The following C22orf39 variants were observed in gnomAD, a reference collection of about 807,000 sequenced individuals.
C22orf39 encodes chromosome 22 open reading frame 39.
A neutral mutation model predicts 18.3 loss-of-function variants in C22orf39; 20 were observed. The observed-to-expected ratio is 1.09, with a 90% CI of 0.77 to 1.59. The LOEUF (loss-of-function observed/expected upper bound fraction) is 1.59, where lower values mean the gene tolerates loss of function less well. C22orf39 is among the 40% of genes most tolerant of loss of function. The probability of loss-of-function intolerance (pLI) is 0.00; values close to 1 mark genes in which losing one functional copy is unlikely to be tolerated. For missense variants in C22orf39, 195 were observed against 156.1 expected (o/e 1.25, Z -1.33); for synonymous variants, 63 against 59.6 (o/e 1.06, Z -0.26).
rs973202736 is a variant in C22orf39 at position 19,447,563 on chromosome 22, G to A, written c.25-18C>T. 21 of 1,408,376 alleles carry A rather than the reference G, an allele frequency of 1.5e-5. No individual in the cohort carries two copies. In the East Asian group the frequency reaches 5.9e-4, roughly 40 times the overall value. The allele number at this position is 1,408,376 out of a possible 1,614,324, so 87.2% of individuals were successfully genotyped here. On this transcript the variant is annotated intron_variant, in intron 1 of 2. Coordinates refer to ENST00000399562, the MANE Select transcript of C22orf39 (RefSeq NM_173793.5). ...CGCGGCGGCTGCGGCGAGAGGCGGC[G>A]CCTGAGCGGGGCCCGGCGGCCGCGC...
At position 19,441,757 on chromosome 22, in the gene C22orf39, C is replaced by T. The variant is rs1163285014; in HGVS notation, c.*2508G>A. 5 of 1,505,240 alleles carry T rather than the reference C, an allele frequency of 3.3e-6. No homozygotes were observed. The Admixed American group carries it at 9.4e-5, about 28-fold the overall frequency. The allele number at this position is 1,505,240 out of a possible 1,614,324, so 93.2% of individuals were successfully genotyped here. A position where few individuals can be genotyped will look rare whatever the true frequency, so the allele number is the denominator to read the frequency against. On this transcript the variant is annotated 3_prime_UTR_variant, in exon 3 of 3. Transcript: ENST00000399562. ...GTATTTGTTTTCTTCATACCACCACCATAAAATACCAAACTGCTTCAGAAA... is the reference window on the plus strand; with the variant it reads ...GTATTTGTTTTCTTCATACCACCACTATAAAATACCAAACTGCTTCAGAAA...
intron 2 of C22orf39, among the ~76,000 whole-genome samples, chr22:19,445,485 C>T (rs2089634686): frequency 6.6e-6 from 1 of 152,192 alleles, no homozygotes; most frequent in Non-Finnish European, 1.5e-5. Context: ...TATCCAATTA[C>T]TTCCCTGGGA....
Position 19,447,471 on chromosome 22 carries a change from G to A in C22orf39, c.99C>T (p.Tyr33=), listed in dbSNP as rs2089648456. 3 of 1,521,272 alleles carry A rather than the reference G, an allele frequency of 2.0e-6. No individual in the cohort carries two copies. Among genetic ancestry groups the A allele is most frequent in the African/African-American group, 2.9e-5 (2 of 69,874 alleles). The allele number at this position is 1,521,272 out of a possible 1,614,324, so 94.2% of individuals were successfully genotyped here. The change falls in exon 2 of 3, where the codon TAC becomes TAT. Residue 33 remains tyrosine (Y), a synonymous_variant. Coordinates refer to ENST00000399562, the MANE Select transcript of C22orf39 (RefSeq NM_173793.5). ...AGGCCGGCCGCTCGCCGTGGACGTA[G>A]TAGTGGTGTAGGAAGTGCCTGGCGC... ...CRSARHFLHH[Y]YVHGERPACE... is the part of the protein sequence containing the mutation.
rs778267166 is a variant in C22orf39 at position 19,443,078 on chromosome 22, AACCCCC to A, written c.*1181_*1186del. Reference sequence around the variant, plus strand: ...CCTGCTCTTGGGATCCCGTGAGCACAACCCCCACCCCCACCCCCACTGTTCACAGAC... The same window carrying A: ...CCTGCTCTTGGGATCCCGTGAGCACAACCCCCACCCCCACTGTTCACAGAC... On this transcript the variant is annotated 3_prime_UTR_variant, in exon 3 of 3. Transcript: ENST00000399562. 77 of 602,636 alleles carry A rather than the reference AACCCCC, an allele frequency of 1.3e-4. 4 individuals carry two copies. Among genetic ancestry groups the A allele is most frequent in the Non-Finnish European group, 1.5e-4 (73 of 482,272 alleles). The allele number at this position is 602,636 out of a possible 1,614,324, so 37.3% of individuals were successfully genotyped here.
At chr22:19,447,638 T>G in intron 1 of C22orf39, 27 bp downstream of exon 1, 5 of 1,607,166 alleles carry the variant, frequency 3.1e-6, no homozygotes, top group Non-Finnish European at 4.2e-6. Context: ...ACCCCGGTGG[T>G]TCCCGGCTCC....
At chr22:19,447,166 C>T (rs1220013789) in intron 2 of C22orf39, among the ~76,000 whole-genome samples, 1 of 138,086 alleles carries the variant, frequency 7.2e-6, no homozygotes, top group Non-Finnish European at 1.6e-5. Context: ...CTCTACACCC[C>T]CTCCTCGCTG....
rs2089627769 is a variant in C22orf39, at chr22:19,444,114, T to C, written c.*151A>G. ...TGCATGCAGGTGAGGGGTGGGCAAGTAGGGCTAGCAATGTCCTGCTCCATG... is the reference window on the plus strand; with the variant it reads ...TGCATGCAGGTGAGGGGTGGGCAAGCAGGGCTAGCAATGTCCTGCTCCATG... On this transcript the variant is annotated 3_prime_UTR_variant, in exon 3 of 3. Transcript: ENST00000399562. 1.5e-6 allele frequency: 2 copies of C among 1,360,484 alleles called. No individual in the cohort carries two copies. Among genetic ancestry groups the C allele is most frequent in the Non-Finnish European group, 1.9e-6 (2 of 1,064,980 alleles). The allele number at this position is 1,360,484 out of a possible 1,614,324, so 84.3% of individuals were successfully genotyped here. A position where few individuals can be genotyped will look rare whatever the true frequency, so the allele number is the denominator to read the frequency against.
At chr22:19,445,031 TAC>T (rs1429435980) in intron 2 of C22orf39, among the ~76,000 whole-genome samples, 1 of 152,246 alleles carries the variant, frequency 6.6e-6, no homozygotes, top group African/African-American at 2.4e-5. Flanking sequence ...TGAGCCTCTT[TAC>T]ACAGATAACT....
chr22:19,445,149 T>C (rs28593087), intron 2 of C22orf39, among the ~76,000 whole-genome samples: 1 of 152,220 alleles, frequency 6.6e-6, no homozygotes, highest in Non-Finnish European at 1.5e-5. Flanking sequence ...TATTAAAGAT[T>C]CCCAAATGTC....
rs2089619487 is a variant in C22orf39 at position 19,442,624 on chromosome 22, A to G, written c.*1641T>C. 6.6e-6 allele frequency: 1 copy of G among 152,292 alleles called. No homozygotes were observed. Among genetic ancestry groups the G allele is most frequent in the Non-Finnish European group, 1.5e-5 (1 of 68,076 alleles). 9.4% of individuals were successfully genotyped at this position (152,292 alleles called of 1,614,324 possible). On this transcript the variant is annotated 3_prime_UTR_variant, in exon 3 of 3. Coordinates refer to ENST00000399562, the MANE Select transcript of C22orf39 (RefSeq NM_173793.5). ...CACTCTGTCGCCCAGGCTGGAGTAC[A>G]GTGGCACGATCTCAGCTCACTGCAA...
At position 19,447,658 on chromosome 22, in the gene C22orf39, C is replaced by A; in HGVS notation, c.24+7G>T. The A allele has an allele frequency of 6.2e-7, 1 of 1,610,864 alleles. No individual in the cohort carries two copies. Among genetic ancestry groups the A allele is most frequent in the East Asian group, 2.2e-5 (1 of 44,760 alleles). ...GGTGGTTCCCGGCTCCGACCCAGCA[C>A]ACTCACCTGCCAGCCGCTGCCGTCC... On this transcript the variant is annotated splice_region_variant and intron_variant, in intron 1 of 2. Transcript: ENST00000399562.
At position 19,441,627 on chromosome 22, in the gene C22orf39, CAAGTGATTCTTCT is replaced by C. The variant is rs779215126; in HGVS notation, c.*2625_*2637del. On this transcript the variant is annotated 3_prime_UTR_variant, in exon 3 of 3. Coordinates refer to ENST00000399562, the MANE Select transcript of C22orf39 (RefSeq NM_173793.5). ...GACTGCAACCTCAAACTCCTATCCT[CAAGTGATTCTTCT>C]GCCTCAGCCTCCCAAGTAGCTGAGA... The C allele has an allele frequency of 5.8e-5, 73 of 1,254,558 alleles. No homozygotes were observed. In the South Asian group the frequency reaches 9.0e-4, roughly 15 times the overall value. 77.7% of individuals were successfully genotyped at this position (1,254,558 alleles called of 1,614,324 possible). A position where few individuals can be genotyped will look rare whatever the true frequency, so the allele number is the denominator to read the frequency against.
Position 19,447,529 on chromosome 22 carries a change from T to G in C22orf39, c.41A>C (p.Glu14Ala), listed in dbSNP as rs1187557535. 2.1e-6 allele frequency: 3 copies of G among 1,458,992 alleles called. No individual in the cohort carries two copies. Among genetic ancestry groups the G allele is most frequent in the Non-Finnish European group, 2.7e-6 (3 of 1,110,104 alleles). The allele number at this position is 1,458,992 out of a possible 1,614,324, so 90.4% of individuals were successfully genotyped here. ...GSGWQPPRPCEAYRAEWKLCR... is the reference protein window; with the variant it reads ...GSGWQPPRPCAAYRAEWKLCR... Reference sequence around the variant, plus strand: ...GAGCTTCCACTCGGCGCGGTAGGCCTCGCAGGGGCGCGGCGGCTGCGGCGA... The same window carrying G: ...GAGCTTCCACTCGGCGCGGTAGGCCGCGCAGGGGCGCGGCGGCTGCGGCGA... Residue 14 changes from glutamate to alanine, a missense_variant, in exon 2 of 3, where the codon GAG becomes GCG. Transcript: ENST00000399562.
chr22:19,447,418 C>T lies in C22orf39; in HGVS notation c.152G>A (p.Ser51Asn). ...CCGGCGCTCCTCCCAGTCGCGGCAG[C>T]TGGCCAGGTCGCGCTGCCACTGTTC... ...ACEQWQRDLA[S>N]CRDWEERRNA... The change falls in exon 2 of 3, where the codon AGC becomes AAC. Residue 51 changes from serine to asparagine, a missense_variant. Transcript: ENST00000399562. The T allele has an allele frequency of 6.6e-7, 1 of 1,507,620 alleles. No individual in the cohort carries two copies. 93.4% of individuals were successfully genotyped at this position (1,507,620 alleles called of 1,614,324 possible).
In C22orf39 at chr22:19,447,429, G is replaced by T; in HGVS notation, c.141C>A (p.Arg47=). 1.3e-6 allele frequency: 2 copies of T among 1,509,666 alleles called. No homozygotes were observed. The highest frequency in any genetic ancestry group is 1.8e-6 in the Non-Finnish European group (2 of 1,137,238). The allele number at this position is 1,509,666 out of a possible 1,614,324, so 93.5% of individuals were successfully genotyped here. A position where few individuals can be genotyped will look rare whatever the true frequency, so the allele number is the denominator to read the frequency against. Residue 47 remains arginine, a synonymous_variant, in exon 2 of 3, where the codon CGC becomes CGA. Coordinates refer to ENST00000399562, the MANE Select transcript of C22orf39 (RefSeq NM_173793.5). ...GERPACEQWQ[R]DLASCRDWEE... is the part of the protein sequence containing the mutation. ...CCCAGTCGCGGCAGCTGGCCAGGTC[G>T]CGCTGCCACTGTTCGCAGGCCGGCC...
Position 19,447,414 on chromosome 22 carries a change from G to A in C22orf39, c.156C>T (p.Cys52=), listed in dbSNP as rs1314362428. ...CEQWQRDLAS[C]RDWEERRNAE... ...CGTTCCGGCGCTCCTCCCAGTCGCG[G>A]CAGCTGGCCAGGTCGCGCTGCCACT... The change falls in exon 2 of 3, where the codon TGC becomes TGT. Residue 52 remains cysteine, a synonymous_variant. Transcript: ENST00000399562. 6.6e-7 allele frequency: 1 copy of A among 1,506,534 alleles called. No individual in the cohort carries two copies. Among genetic ancestry groups the A allele is most frequent in the Non-Finnish European group, 8.8e-7 (1 of 1,135,452 alleles). The allele number at this position is 1,506,534 out of a possible 1,614,324, so 93.3% of individuals were successfully genotyped here. A position where few individuals can be genotyped will look rare whatever the true frequency, so the allele number is the denominator to read the frequency against.
In C22orf39 at chr22:19,442,068, GC is replaced by G. The variant is rs2089615990; in HGVS notation, c.*2196del. 5.7e-6 allele frequency: 1 copy of G among 174,258 alleles called. No individual in the cohort carries two copies. 10.8% of individuals were successfully genotyped at this position (174,258 alleles called of 1,614,324 possible). A position where few individuals can be genotyped will look rare whatever the true frequency, so the allele number is the denominator to read the frequency against. ...AGCCTCCCAAAGTGCTGGGATAACA[GC>G]CGTGAGCCACCACATCCAGCCACCG... On this transcript the variant is annotated 3_prime_UTR_variant, in exon 3 of 3. Coordinates refer to ENST00000399562, the MANE Select transcript of C22orf39 (RefSeq NM_173793.5).
At position 19,444,064 on chromosome 22, in the gene C22orf39, A is replaced by G. The variant is rs1217939137; in HGVS notation, c.*201T>C. On this transcript the variant is annotated 3_prime_UTR_variant, in exon 3 of 3. Coordinates refer to ENST00000399562, the MANE Select transcript of C22orf39 (RefSeq NM_173793.5). ...CTCTAAAGCGGTGCAATTGTCCTGCAGAACATCGCAGTGTCAGGGTATCCT... is the reference window on the plus strand; with the variant it reads ...CTCTAAAGCGGTGCAATTGTCCTGCGGAACATCGCAGTGTCAGGGTATCCT... The G allele has an allele frequency of 7.6e-7, 1 of 1,317,860 alleles. No homozygotes were observed. The highest frequency in any genetic ancestry group is 9.6e-7 in the Non-Finnish European group (1 of 1,040,136). The allele number at this position is 1,317,860 out of a possible 1,614,324, so 81.6% of individuals were successfully genotyped here.
rs894665829 is a variant in C22orf39, at chr22:19,443,742, G to A, written c.*523C>T. 9 of 984,752 alleles carry A rather than the reference G, an allele frequency of 9.1e-6. No homozygotes were observed. Among genetic ancestry groups the A allele is most frequent in the African/African-American group, 7.0e-5 (4 of 57,066 alleles). 61.0% of individuals were successfully genotyped at this position (984,752 alleles called of 1,614,324 possible). A position where few individuals can be genotyped will look rare whatever the true frequency, so the allele number is the denominator to read the frequency against. ...AGGGGCCAGCAAGCCCTACCTGCTC[G>A]GCACACCTGCCTGCATGTGCAGTGG... On this transcript the variant is annotated 3_prime_UTR_variant, in exon 3 of 3. Transcript: ENST00000399562.
Sources: gnomAD v4.1 joint callset for allele counts (sites outside exome capture counted in the v4.1 genomes callset) on GRCh38, gnomAD v4.1.1 for gene constraint, MANE v1.5 for transcripts, NCBI Gene and HGNC (gene_info 2026-07-23, HGNC 2026-07-21) for gene names.